The following EGFR variants were observed in gnomAD, a reference collection of about 807,000 sequenced individuals.
EGFR encodes the protein avian erythroblastic leukemia viral (v-erb-b) oncogene homolog.
In EGFR, 58 loss-of-function variants were observed where a neutral mutation model predicts 143.0. The ratio of observed to expected loss-of-function variants is 0.41; its 90% confidence interval spans 0.33 to 0.50. EGFR has a LOEUF of 0.50. Ranked by LOEUF, EGFR falls within the 20% of genes least tolerant of loss-of-function variation. The probability of loss-of-function intolerance (pLI) is 0.39; values close to 1 mark genes in which losing one functional copy is unlikely to be tolerated. For synonymous variants in EGFR, 613 were observed against 594.4 expected, an observed-to-expected ratio of 1.03 and a Z score of -0.45; for missense variants, 1,307 against 1,579.0, an observed-to-expected ratio of 0.83 and a Z score of 2.92.
rs769149292 is a variant in EGFR, at chr7:55,174,757, T to C, written c.2220T>C (p.Ile740=). 1 of 1,614,060 alleles carries C rather than the reference T, an allele frequency of 6.2e-7. No homozygotes were observed. Among genetic ancestry groups the C allele is most frequent in the South Asian group, 1.1e-5 (1 of 91,080 alleles). The change falls in exon 19 of 28, where the codon ATT becomes ATC. Residue 740 remains isoleucine, a synonymous_variant. Transcript: ENST00000275493. ...TCCCAGAAGGTGAGAAAGTTAAAAT[T>C]CCCGTCGCTATCAAGGAATTAAGAG... The part of the protein sequence containing the change: ...LWIPEGEKVK[I]PVAIKELREA...
intron 1 of EGFR, among the ~76,000 whole-genome samples, chr7:55,072,416 G>A (rs530393368): frequency 1.3e-5 from 2 of 152,336 alleles, no homozygotes; most frequent in South Asian, 4.1e-4. Context: ...AGCTCCTGAA[G>A]CAGCTGCACC....
intron 1 of EGFR, among the ~76,000 whole-genome samples, chr7:55,131,479 C>T (rs1010863972): frequency 7.2e-5 from 11 of 152,214 alleles, no homozygotes; most frequent in African/African-American, 2.2e-4. Flanking sequence ...ATCTGTTCCC[C>T]GCAGTAAAGA....
intron 27 of EGFR, among the ~76,000 whole-genome samples, chr7:55,204,897 C>T (rs1416713212): frequency 2.0e-5 from 3 of 150,206 alleles, no homozygotes; most frequent in Non-Finnish European, 4.5e-5. Context: ...CACACACATA[C>T]ACCACACACA....
At chr7:55,071,397 T>A (rs1789819483) in intron 1 of EGFR, among the ~76,000 whole-genome samples, 1 of 152,266 alleles carries the variant, frequency 6.6e-6, no homozygotes, top group Admixed American at 6.5e-5. Context: ...ATTTTGCCTA[T>A]TCTTTTTTCA....
At chr7:55,035,896 T>C (rs1324212353) in intron 1 of EGFR, among the ~76,000 whole-genome samples, 3 of 152,008 alleles carry the variant, frequency 2.0e-5, no homozygotes, top group Non-Finnish European at 2.9e-5. Context: ...AGTAACATCT[T>C]AGTAGCAAAG....
chr7:55,163,881 C>G (rs188232081), intron 14 of EGFR, 58 bp downstream of exon 14: 1 of 1,583,736 alleles, frequency 6.3e-7, no homozygotes, highest in Admixed American at 1.7e-5. Context: ...TCACAGAAGC[C>G]GAACAGTGAT....
chr7:55,108,773 C>G (rs1792288643), intron 1 of EGFR, among the ~76,000 whole-genome samples: 1 of 152,184 alleles, frequency 6.6e-6, no homozygotes, highest in Non-Finnish European at 1.5e-5. Context: ...TCGATTTAAT[C>G]TGTAGGACTC....
intron 14 of EGFR, 66 bp downstream of exon 14, chr7:55,163,889 G>A: frequency 1.9e-6 from 3 of 1,559,710 alleles, no homozygotes; most frequent in South Asian, 2.2e-5. Flanking sequence ...GCCGAACAGT[G>A]ATGATGGCCC....
chr7:55,120,572 G>C (rs1292023401), intron 1 of EGFR, among the ~76,000 whole-genome samples: 2 of 152,182 alleles, frequency 1.3e-5, no homozygotes, highest in African/African-American at 4.8e-5. Flanking sequence ...ATATTCACCA[G>C]AGTATTTAAC....
intron 15 of EGFR, among the ~76,000 whole-genome samples, chr7:55,169,115 T>G (rs1046771832): frequency 6.6e-6 from 1 of 151,744 alleles, no homozygotes; most frequent in Non-Finnish European, 1.5e-5. Context: ...TTTTTTTTTT[T>G]GTCGAGACGG....
At position 55,201,769 on chromosome 7, in the gene EGFR, T is replaced by G. The variant is rs529174941; in HGVS notation, c.3149T>G (p.Ile1050Ser). The stretch of plus-strand genomic sequence containing the variant: ...AGCAACAATTCCACCGTGGCTTGCA[T>G]TGATAGAAATGGGGTATGTATGAAC... ...ATSNNSTVAC[I>S]DRNGLQSCPI... The change falls in exon 26 of 28, where the codon ATT becomes AGT. Residue 1050 changes from isoleucine to serine, a missense_variant. Coordinates refer to ENST00000275493, the MANE Select transcript of EGFR (RefSeq NM_005228.5). 2 of 1,614,102 alleles carry G rather than the reference T, an allele frequency of 1.2e-6. No homozygotes were observed. The highest frequency in any genetic ancestry group is 2.7e-5 in the African/African-American group (2 of 74,944).
chr7:55,115,857 C>T (rs1792807288), intron 1 of EGFR, among the ~76,000 whole-genome samples: 1 of 152,212 alleles, frequency 6.6e-6, no homozygotes, highest in African/African-American at 2.4e-5. Context: ...AAACTATAAT[C>T]ATCAGGACAA....
At chr7:55,057,171 C>G (rs1788877666) in intron 1 of EGFR, among the ~76,000 whole-genome samples, 1 of 152,240 alleles carries the variant, frequency 6.6e-6, no homozygotes, top group South Asian at 2.1e-4. Context: ...TACAGGGAGG[C>G]CAATTTTGGA....
chr7:55,051,433 T>C (rs1788479607), intron 1 of EGFR, among the ~76,000 whole-genome samples: 1 of 152,064 alleles, frequency 6.6e-6, no homozygotes, highest in African/African-American at 2.4e-5. Flanking sequence ...AGTGGGCTTG[T>C]TAGAAAATTG....
At chr7:55,173,868 C>T (rs2128953401) in intron 17 of EGFR, 53 bp from the exon 18 acceptor site, 2 of 1,613,964 alleles carry the variant, frequency 1.2e-6, no homozygotes, top group Non-Finnish European at 1.7e-6. Flanking sequence ...CACTGCTTTC[C>T]AGCATGGTGA....
At chr7:55,142,806 C>G (rs1165947681) in intron 2 of EGFR, among the ~76,000 whole-genome samples, 1 of 152,178 alleles carries the variant, frequency 6.6e-6, no homozygotes, top group Non-Finnish European at 1.5e-5. Flanking sequence ...TAGCTGATTT[C>G]AAGGTACCAA....
chr7:55,187,595 T>C (rs1425118017), intron 20 of EGFR, among the ~76,000 whole-genome samples: 1 of 152,218 alleles, frequency 6.6e-6, no homozygotes, highest in Non-Finnish European at 1.5e-5. Context: ...TAGCACTTAC[T>C]CTATGCCTGC....
intron 1 of EGFR, among the ~76,000 whole-genome samples, chr7:55,085,894 G>A (rs1287142416): frequency 6.6e-6 from 1 of 152,194 alleles, no homozygotes; most frequent in Admixed American, 6.5e-5. Context: ...GTGCAGATGT[G>A]CCTCCGTGTT....
chr7:55,183,860 G>C (rs1170431466), intron 20 of EGFR, among the ~76,000 whole-genome samples: 1 of 152,160 alleles, frequency 6.6e-6, no homozygotes, highest in African/African-American at 2.4e-5. Flanking sequence ...TCATCAGAGG[G>C]GGCCAACAGT....
Sources: gnomAD v4.1 joint callset for allele counts (sites outside exome capture counted in the v4.1 genomes callset) on GRCh38, gnomAD v4.1.1 for gene constraint, MANE v1.5 for transcripts, NCBI Gene and HGNC (gene_info 2026-07-23, HGNC 2026-07-21) for gene names.